The following DSCAM variants were observed in gnomAD, a reference collection of about 807,000 sequenced individuals.
DSCAM encodes the protein cell adhesion molecule DSCAM.
DSCAM carries 47 observed loss-of-function variants against 217.7 expected under a neutral mutation model. That is an observed-to-expected ratio of 0.22 (90% CI 0.17 to 0.28). The LOEUF (loss-of-function observed/expected upper bound fraction) is 0.28. DSCAM is among the 10% of genes least tolerant of loss of function. DSCAM has a pLI of 1.00. For synonymous variants in DSCAM, 1,056 were observed against 1,015.3 expected, an observed-to-expected ratio of 1.04 and a Z score of -0.76; for missense variants, 2,080 against 2,618.3, an observed-to-expected ratio of 0.79 and a Z score of 4.49.
Position 40,124,213 on chromosome 21 carries a change from G to A in DSCAM, c.3678C>T (p.Cys1226=), listed in dbSNP as rs756794775. The part of the protein sequence containing the change: ...NGIIRKYTVF[C]SHPYPTVISE... ...AACTTACTGTGGGATAGGGGTGGGA[G>A]CAGAATACAGTGTACTTTCGGATGA... The change falls in exon 20 of 33, where the codon TGC becomes TGT. Residue 1226 remains cysteine, a synonymous_variant. Transcript: ENST00000400454. The A allele has an allele frequency of 6.2e-7, 1 of 1,614,038 alleles. No individual in the cohort carries two copies. Among genetic ancestry groups the A allele is most frequent in the Non-Finnish European group, 8.5e-7 (1 of 1,180,038 alleles).
chr21:40,319,184 C>G (rs1337788111), intron 8 of DSCAM, among the ~76,000 whole-genome samples: 1 of 152,102 alleles, frequency 6.6e-6, no homozygotes, highest in East Asian at 1.9e-4. Context: ...AAATTTACAT[C>G]TTTTGAATTA....
At chr21:40,227,609 C>T (rs1269377779) in intron 11 of DSCAM, among the ~76,000 whole-genome samples, 4 of 152,150 alleles carry the variant, frequency 2.6e-5, no homozygotes, top group Non-Finnish European at 5.9e-5. Context: ...CAGAGTACCA[C>T]CCCTTTCCCC....
intron 11 of DSCAM, among the ~76,000 whole-genome samples, chr21:40,246,928 T>C (rs1208667713): frequency 1.3e-5 from 2 of 151,700 alleles, no homozygotes; most frequent in African/African-American, 2.4e-5. Flanking sequence ...GAAAAAGAGG[T>C]TGAATTGGAT....
At chr21:40,300,504 A>ATTTTTTTTG (rs1156966887) in intron 9 of DSCAM, among the ~76,000 whole-genome samples, 1 of 152,160 alleles carries the variant, frequency 6.6e-6, no homozygotes, top group Non-Finnish European at 1.5e-5. Flanking sequence ...CCACCTCCAC[A>ATTTTTTTTG]CACTTTGCCA....
intron 3 of DSCAM, among the ~76,000 whole-genome samples, chr21:40,574,126 G>A (rs1335133368): frequency 6.6e-6 from 1 of 151,780 alleles, no homozygotes; most frequent in East Asian, 1.9e-4. Context: ...CTTCCCAAAT[G>A]ACTTTCTGAG....
chr21:40,237,170 C>G (rs2073090795), intron 11 of DSCAM, among the ~76,000 whole-genome samples: 1 of 152,166 alleles, frequency 6.6e-6, no homozygotes, highest in African/African-American at 2.4e-5. Flanking sequence ...AGTCTGAACT[C>G]AAGGGTGTCA....
At chr21:40,561,353 T>C (rs1280093137) in intron 3 of DSCAM, among the ~76,000 whole-genome samples, 1 of 152,236 alleles carries the variant, frequency 6.6e-6, no homozygotes, top group African/African-American at 2.4e-5. Context: ...AAATATAACC[T>C]ACAAAATATA....
chr21:40,489,787 A>AAAAAAC (rs2076060923), intron 3 of DSCAM, among the ~76,000 whole-genome samples: 1 of 149,608 alleles, frequency 6.7e-6, no homozygotes, highest in African/African-American at 2.5e-5. Context: ...AAAAAAAAAA[A>AAAAAAC]AAAAAAAAAA....
chr21:40,146,722 G>T (rs776283093), intron 16 of DSCAM, among the ~76,000 whole-genome samples: 254 of 152,246 alleles, frequency 1.7e-3, no homozygotes, highest in Non-Finnish European at 1.7e-3. Context: ...ATTTGTATCT[G>T]TTGGCTCGGA....
intron 3 of DSCAM, 132 bp from the exon 4 acceptor site, chr21:40,369,377 T>C (rs576852057): frequency 2.8e-6 from 2 of 709,284 alleles, no homozygotes; most frequent in East Asian, 2.8e-5. Context: ...AATGGGTGCG[T>C]GCGTCTGCGT....
At chr21:40,098,307 C>T (rs2089708461) in intron 20 of DSCAM, among the ~76,000 whole-genome samples, 1 of 152,158 alleles carries the variant, frequency 6.6e-6, no homozygotes, top group Non-Finnish European at 1.5e-5. Context: ...TTTATTATTA[C>T]ATGAAACAAA....
chr21:40,754,249 GCCT>G (rs1277816030), intron 1 of DSCAM, among the ~76,000 whole-genome samples: 2 of 152,118 alleles, frequency 1.3e-5, no homozygotes, highest in African/African-American at 2.4e-5. Context: ...CACTATAATA[GCCT>G]CCTTTCTATT....
At position 40,353,889 on chromosome 21, in the gene DSCAM, A is replaced by C. The variant is rs79892849; in HGVS notation, c.656-146T>G. 3.5e-3 allele frequency: 2,649 copies of C among 761,468 alleles called. 56 individuals carry two copies. In the African/African-American group the frequency reaches 0.044, roughly 13 times the overall value. 47.2% of individuals were successfully genotyped at this position (761,468 alleles called of 1,614,324 possible). ...TTAAGATTTTATAAGTGAACAGAAA[A>C]AGAAGTGCCCTATTCATACAATTTA... On this transcript the variant is annotated intron_variant, in intron 4 of 32. Transcript: ENST00000400454.
At chr21:40,145,054 C>T (rs2090338570) in intron 16 of DSCAM, among the ~76,000 whole-genome samples, 1 of 152,178 alleles carries the variant, frequency 6.6e-6, no homozygotes, top group Non-Finnish European at 1.5e-5. Flanking sequence ...CGCTCTCATT[C>T]TGTCCTTCAT....
intron 11 of DSCAM, among the ~76,000 whole-genome samples, chr21:40,266,799 TACAC>T (rs1555896636): frequency 2.3e-5 from 3 of 129,536 alleles, no homozygotes; most frequent in African/African-American, 1.0e-4. Context: ...TATATATATA[TACAC>T]ACACACACAC....
chr21:40,765,427 C>T (rs904201387), intron 1 of DSCAM, among the ~76,000 whole-genome samples: 4 of 152,160 alleles, frequency 2.6e-5, no homozygotes, highest in Admixed American at 6.5e-5. Context: ...CAGCATCTAA[C>T]GTGGGTGATT....
chr21:40,359,777 T>C (rs950689062), intron 4 of DSCAM, among the ~76,000 whole-genome samples: 1 of 152,156 alleles, frequency 6.6e-6, no homozygotes, highest in Non-Finnish European at 1.5e-5. Flanking sequence ...TTAGTGGTTG[T>C]CTGGGACTGG....
intron 3 of DSCAM, among the ~76,000 whole-genome samples, chr21:40,410,868 T>C (rs1234668553): frequency 6.6e-6 from 1 of 152,132 alleles, no homozygotes; most frequent in Non-Finnish European, 1.5e-5. Flanking sequence ...ACAGGAGCCT[T>C]TCTGGCAGAA....
rs144162743 is a variant in DSCAM, at chr21:40,069,728, G to A, written c.4888+5309C>T. On this transcript the variant is annotated intron_variant, in intron 27 of 32. Coordinates refer to ENST00000400454, the MANE Select transcript of DSCAM (RefSeq NM_001389.5). ...TTTATTTGCAGCCTCTCCCTCAACA[G>A]TCCCTGCCTTTCTGTGGAATTGAAA... is the stretch of plus-strand genomic sequence containing the variant. Among the ~76,000 whole-genome samples the A allele has an allele frequency of 3.3e-3, 507 of 152,198 alleles. 5 individuals carry two copies. Among genetic ancestry groups the A allele is most frequent in the African/African-American group, 0.012 (488 of 41,512 alleles).
Sources: gnomAD v4.1 joint callset for allele counts (sites outside exome capture counted in the v4.1 genomes callset) on GRCh38, gnomAD v4.1.1 for gene constraint, MANE v1.5 for transcripts, NCBI Gene and HGNC (gene_info 2026-07-23, HGNC 2026-07-21) for gene names.